The following SPAG16 variants were observed in gnomAD, a reference collection of about 807,000 sequenced individuals.
SPAG16 encodes sperm associated antigen 16.
SPAG16 carries 86 observed loss-of-function variants against 80.4 expected under a neutral mutation model. That is an observed-to-expected ratio of 1.07 (90% CI 0.90 to 1.28). The LOEUF is 1.28. Ranked by LOEUF, SPAG16 falls within the 50% of genes most tolerant of loss-of-function variation. The probability of loss-of-function intolerance (pLI) is 0.00; values close to 1 mark genes in which losing one functional copy is unlikely to be tolerated. For missense variants in SPAG16, 870 were observed against 765.3 expected (o/e 1.14, Z -1.61); for synonymous variants, 294 against 265.9 (o/e 1.11, Z -1.03).
chr2:214,116,209 C>T (rs189714929), intron 14 of SPAG16, among the ~76,000 whole-genome samples: 61 of 152,336 alleles, frequency 4.0e-4, no homozygotes, highest in African/African-American at 1.3e-3. Context: ...AGTGAAGAGA[C>T]TTGTCTGCTC....
chr2:213,823,030 A>G (rs1313004392), intron 10 of SPAG16, among the ~76,000 whole-genome samples: 1 of 152,234 alleles, frequency 6.6e-6, no homozygotes, highest in Non-Finnish European at 1.5e-5. Flanking sequence ...GTGCTGCAAT[A>G]AACGTAAGTG....
chr2:214,028,773 G>A (rs1172878097), intron 13 of SPAG16, among the ~76,000 whole-genome samples: 3 of 151,952 alleles, frequency 2.0e-5, no homozygotes, highest in African/African-American at 7.2e-5. Flanking sequence ...GTATGTATGT[G>A]TGTATATATT....
chr2:213,829,476 C>T (rs537733849), intron 10 of SPAG16, among the ~76,000 whole-genome samples: 51 of 152,132 alleles, frequency 3.4e-4, no homozygotes, highest in Non-Finnish European at 4.0e-4. Context: ...TCAGAGCCCA[C>T]TTGGTGCCCT....
At chr2:214,357,745 T>C (rs1297659687) in intron 15 of SPAG16, among the ~76,000 whole-genome samples, 1 of 151,990 alleles carries the variant, frequency 6.6e-6, no homozygotes, top group Non-Finnish European at 1.5e-5. Context: ...CTTGTTACCT[T>C]ATTTATTTTG....
chr2:213,672,787 T>C (rs1012859064), intron 10 of SPAG16, among the ~76,000 whole-genome samples: 4 of 152,146 alleles, frequency 2.6e-5, no homozygotes, highest in Admixed American at 1.3e-4. Context: ...ATTCCTATCC[T>C]AGGAATTAGT....
intron 5 of SPAG16, among the ~76,000 whole-genome samples, chr2:213,337,876 A>C (rs112122536): frequency 6.6e-6 from 1 of 152,066 alleles, no homozygotes; most frequent in Non-Finnish European, 1.5e-5. Context: ...AGACAACCCT[A>C]GTAAGATACT....
intron 15 of SPAG16, among the ~76,000 whole-genome samples, chr2:214,275,686 A>T (rs1692412428): frequency 6.6e-6 from 1 of 152,104 alleles, no homozygotes; most frequent in African/African-American, 2.4e-5. Flanking sequence ...GTTCTTTTAC[A>T]TTTGGTGAGG....
chr2:214,280,186 T>C (rs1692812410), intron 15 of SPAG16, among the ~76,000 whole-genome samples: 1 of 152,076 alleles, frequency 6.6e-6, no homozygotes, highest in African/African-American at 2.4e-5. Flanking sequence ...AATCAGACAA[T>C]GTAATTCACC....
intron 9 of SPAG16, among the ~76,000 whole-genome samples, chr2:213,453,152 A>T (rs566819855): frequency 6.6e-6 from 1 of 152,206 alleles, no homozygotes; most frequent in African/African-American, 2.4e-5. Flanking sequence ...TGGTTCTTGT[A>T]TTGTAATAAT....
chr2:213,433,041 A>G (rs1284739467), intron 9 of SPAG16, among the ~76,000 whole-genome samples: 1 of 152,196 alleles, frequency 6.6e-6, no homozygotes, highest in Non-Finnish European at 1.5e-5. Flanking sequence ...GAAGCATTTG[A>G]TAATTTCCAG....
At chr2:214,288,942 G>A (rs140325283) in intron 15 of SPAG16, among the ~76,000 whole-genome samples, 32 of 151,940 alleles carry the variant, frequency 2.1e-4, no homozygotes, top group African/African-American at 7.5e-4. Flanking sequence ...CTAATATTTT[G>A]AATTTTTAGT....
intron 9 of SPAG16, among the ~76,000 whole-genome samples, chr2:213,434,930 A>G (rs538949760): frequency 6.6e-6 from 1 of 152,316 alleles, no homozygotes; most frequent in South Asian, 2.1e-4. Flanking sequence ...AAATAGAACT[A>G]CCATTCAATC....
rs140824029 is a variant in SPAG16, at chr2:213,622,697, T to G, written c.1070+132607T>G. On this transcript the variant is annotated intron_variant, in intron 10 of 15. Transcript: ENST00000331683. ...TCACCTTTATTAGACTGTCACCATA[T>G]TAAGTAGGACTCTTCTGATTGCATG... Among the ~76,000 whole-genome samples, 37 of 152,316 alleles carry G rather than the reference T, an allele frequency of 2.4e-4. 2 individuals are homozygous for G. In the East Asian group the frequency reaches 7.1e-3, roughly 29 times the overall value.
At chr2:213,399,740 A>G (rs1443035741) in intron 9 of SPAG16, among the ~76,000 whole-genome samples, 3 of 151,960 alleles carry the variant, frequency 2.0e-5, no homozygotes, top group Non-Finnish European at 4.4e-5. Flanking sequence ...CCTTAAATGT[A>G]TGGTAGAAGT....
At chr2:214,229,541 T>A (rs939085487) in intron 15 of SPAG16, among the ~76,000 whole-genome samples, 8 of 151,876 alleles carry the variant, frequency 5.3e-5, no homozygotes, top group African/African-American at 1.9e-4. Context: ...TATATGTATT[T>A]GAAATCCAAA....
At position 213,784,845 on chromosome 2, in the gene SPAG16, A is replaced by AT. The variant is rs569745178; in HGVS notation, c.1071-77634dup. ...GTCCCTACTTTTATGCTCCCTTGAG[A>AT]TTTTTTGTATGGTGCTATTTATGAT... On this transcript the variant is annotated intron_variant, in intron 10 of 15. Transcript: ENST00000331683. Among the ~76,000 whole-genome samples the AT allele has an allele frequency of 1.5e-3, 235 of 151,634 alleles. 1 individual carries two copies. Among genetic ancestry groups the AT allele is most frequent in the African/African-American group, 5.4e-3 (225 of 41,372 alleles).
intron 5 of SPAG16, among the ~76,000 whole-genome samples, chr2:213,324,788 T>C (rs2063772691): frequency 6.6e-6 from 1 of 152,132 alleles, no homozygotes; most frequent in South Asian, 2.1e-4. Flanking sequence ...GATAGATGGA[T>C]GTTTAACTCT....
chr2:213,295,356 A>G lies in SPAG16; in HGVS notation c.137-708A>G, dbSNP rs192987541. 6.5e-3 allele frequency among the ~76,000 whole-genome samples: 996 copies of G among 152,234 alleles called. 4 individuals are homozygous for G. Among genetic ancestry groups the G allele is most frequent in the Non-Finnish European group, 0.01 (698 of 67,956 alleles). ...AACTTATAGTTTTTGAAAGTCTTAA[A>G]GCAGTTCTCTTAGAATTATTTTATG... On this transcript the variant is annotated intron_variant, in intron 1 of 15. Coordinates refer to ENST00000331683, the MANE Select transcript of SPAG16 (RefSeq NM_024532.5).
At chr2:214,185,648 G>T (rs1218867682) in intron 15 of SPAG16, among the ~76,000 whole-genome samples, 2 of 152,074 alleles carry the variant, frequency 1.3e-5, no homozygotes, top group African/African-American at 2.4e-5. Flanking sequence ...GGAGTGATGT[G>T]AGAAGGTGTC....
Sources: allele counts gnomAD v4.1 joint callset (sites outside exome capture counted in the v4.1 genomes callset), GRCh38; gene constraint gnomAD v4.1.1; transcripts MANE v1.5; gene names NCBI Gene and HGNC (gene_info 2026-07-23, HGNC 2026-07-21).